The following RSPO2 variants were observed in gnomAD, a reference collection of about 807,000 sequenced individuals.
The protein encoded by RSPO2 is R-spondin-2.
RSPO2 carries 14 observed loss-of-function variants against 30.9 expected under a neutral mutation model. The observed-to-expected ratio is 0.45, with a 90% CI of 0.30 to 0.71. The LOEUF (loss-of-function observed/expected upper bound fraction) is 0.71. Ranked by LOEUF, RSPO2 falls within the 30% of genes least tolerant of loss-of-function variation. RSPO2 has a pLI of 0.08. For missense variants in RSPO2, 264 were observed against 301.9 expected (o/e 0.87, Z 0.93); for synonymous variants, 107 against 96.4 (o/e 1.11, Z -0.64).
chr8:107,908,936 C>T (rs1811736501), intron 5 of RSPO2, among the ~76,000 whole-genome samples: 1 of 152,136 alleles, frequency 6.6e-6, no homozygotes, highest in African/African-American at 2.4e-5. Flanking sequence ...TGTAAAACTG[C>T]AAATGATCTT....
At position 107,991,541 on chromosome 8, in the gene RSPO2, A is replaced by T. The variant is rs113253190; in HGVS notation, c.95-2297T>A. Among the ~76,000 whole-genome samples the T allele has an allele frequency of 7.1e-3, 1,086 of 152,310 alleles. 6 individuals carry two copies. The highest frequency in any genetic ancestry group is 0.025 in the African/African-American group (1,027 of 41,564). On this transcript the variant is annotated intron_variant, in intron 2 of 5. Transcript: ENST00000276659. ...CAAAAGCAATTGCAACAAAAGCAAA[A>T]ATTGATAAGTGGGATCTAATTAAAG...
chr8:108,051,716 C>G (rs557285714), intron 2 of RSPO2, among the ~76,000 whole-genome samples: 15 of 152,270 alleles, frequency 9.9e-5, no homozygotes, highest in Non-Finnish European at 2.2e-4. Context: ...CAGATCCATT[C>G]CTTCAACATG....
chr8:107,932,577 G>T (rs751881860), intron 5 of RSPO2, among the ~76,000 whole-genome samples: 1 of 152,158 alleles, frequency 6.6e-6, no homozygotes, highest in Non-Finnish European at 1.5e-5. Flanking sequence ...AGGTAAATAA[G>T]ATCCTCTTGG....
chr8:107,953,896 C>A (rs1057311162), intron 5 of RSPO2, among the ~76,000 whole-genome samples: 4 of 152,282 alleles, frequency 2.6e-5, no homozygotes, highest in South Asian at 2.1e-4. Flanking sequence ...ACATAGTATA[C>A]CCTGACCCAT....
At chr8:108,020,553 G>A (rs995499351) in intron 2 of RSPO2, among the ~76,000 whole-genome samples, 1 of 152,034 alleles carries the variant, frequency 6.6e-6, no homozygotes, top group Non-Finnish European at 1.5e-5. Flanking sequence ...CCCATGCCTA[G>A]AATACCTTTA....
Position 107,921,065 on chromosome 8 carries a change from T to C in RSPO2, c.617-19875A>G, listed in dbSNP as rs144425616. Among the ~76,000 whole-genome samples the C allele has an allele frequency of 3.0e-3, 456 of 152,200 alleles. 2 individuals are homozygous for C. Among genetic ancestry groups the C allele is most frequent in the Middle Eastern group, 0.014 (4 of 294 alleles). ...AAAGGATGTTAGCACAGATAGTTAC[T>C]GCAGATTTATGTATATAATTAGACA... On this transcript the variant is annotated intron_variant, in intron 5 of 5. Coordinates refer to ENST00000276659, the MANE Select transcript of RSPO2 (RefSeq NM_178565.5).
intron 2 of RSPO2, among the ~76,000 whole-genome samples, chr8:108,045,038 C>T (rs1811871834): frequency 6.6e-6 from 1 of 152,068 alleles, no homozygotes; most frequent in Non-Finnish European, 1.5e-5. Context: ...ATGACTAAGG[C>T]CTCAAAAGCA....
chr8:108,049,393 TA>T (rs953837379), intron 2 of RSPO2, among the ~76,000 whole-genome samples: 1 of 151,740 alleles, frequency 6.6e-6, no homozygotes, highest in South Asian at 2.1e-4. Flanking sequence ...GCATCTTTTT[TA>T]AAAAAAAATT....
At chr8:107,913,688 C>T (rs1368705193) in intron 5 of RSPO2, among the ~76,000 whole-genome samples, 2 of 152,082 alleles carry the variant, frequency 1.3e-5, no homozygotes, top group Non-Finnish European at 2.9e-5. Flanking sequence ...TCTATAACTA[C>T]CAAATATTAA....
intron 2 of RSPO2, among the ~76,000 whole-genome samples, chr8:108,043,599 G>GAA (rs5893902): frequency 1.0e-4 from 15 of 147,880 alleles, no homozygotes; most frequent in African/African-American, 3.7e-4. Flanking sequence ...AAGTATCTTG[G>GAA]AAAAAAAAAA....
At chr8:107,916,111 T>C (rs1232533846) in intron 5 of RSPO2, among the ~76,000 whole-genome samples, 1 of 152,214 alleles carries the variant, frequency 6.6e-6, no homozygotes, top group African/African-American at 2.4e-5. Context: ...CTCTGATTAA[T>C]TGGCTTAGAA....
chr8:107,904,034 A>G (rs549549818), intron 5 of RSPO2, among the ~76,000 whole-genome samples: 46 of 152,024 alleles, frequency 3.0e-4, no homozygotes, highest in African/African-American at 1.1e-3. Flanking sequence ...ATTTTCAAAC[A>G]TGAGAAAAGA....
At chr8:107,954,164 A>G (rs1171627154) in intron 5 of RSPO2, among the ~76,000 whole-genome samples, 1 of 152,198 alleles carries the variant, frequency 6.6e-6, no homozygotes, top group African/African-American at 2.4e-5. Context: ...AGAATATTTC[A>G]GATTGAGATC....
chr8:107,960,207 G>C (rs903445816), intron 4 of RSPO2, among the ~76,000 whole-genome samples: 7 of 151,466 alleles, frequency 4.6e-5, no homozygotes, highest in African/African-American at 1.7e-4. Context: ...TAATGCATTT[G>C]TAACATATAA....
At chr8:108,062,068 C>T (rs1463016139) in intron 2 of RSPO2, among the ~76,000 whole-genome samples, 1 of 151,652 alleles carries the variant, frequency 6.6e-6, no homozygotes, top group Non-Finnish European at 1.5e-5. Flanking sequence ...CACTAAATGC[C>T]CACAAGAGAA....
chr8:107,942,692 C>A (rs1489466232), intron 5 of RSPO2, among the ~76,000 whole-genome samples: 1 of 152,034 alleles, frequency 6.6e-6, no homozygotes. Context: ...TACACATTTG[C>A]TTTTTCTAGT....
chr8:107,911,494 T>C (rs537419743), intron 5 of RSPO2, among the ~76,000 whole-genome samples: 13 of 152,182 alleles, frequency 8.5e-5, no homozygotes, highest in Non-Finnish European at 1.5e-4. Flanking sequence ...TTCTAAACCT[T>C]AGTTTTCTCA....
Position 107,989,186 on chromosome 8 carries a change from C to T in RSPO2, c.153G>A (p.Gly51=), listed in dbSNP as rs1335660514. The T allele has an allele frequency of 1.2e-6, 2 of 1,608,218 alleles. No individual in the cohort carries two copies. The highest frequency in any genetic ancestry group is 1.7e-5 in the Admixed American group (1 of 58,432). ...ACAACTTCTGTTGACATCGGCTACA[C>T]CCATTGTCCTTTGAACAAGACAAAC... ...KGCLSCSKDN[G]CSRCQQKLFF... Residue 51 remains glycine (G), a synonymous_variant, in exon 3 of 6, where the codon GGG becomes GGA. Transcript: ENST00000276659.
chr8:107,900,749 CATAA>C lies in RSPO2; in HGVS notation c.*322_*325del. 1 of 227,456 alleles carries C rather than the reference CATAA, an allele frequency of 4.4e-6. No individual in the cohort carries two copies. Among genetic ancestry groups the C allele is most frequent in the Non-Finnish European group, 8.5e-6 (1 of 117,490 alleles). The allele number at this position is 227,456 out of a possible 1,614,324, so 14.1% of individuals were successfully genotyped here. A position where few individuals can be genotyped will look rare whatever the true frequency, so the allele number is the denominator to read the frequency against. ...ATTGCCTGCCAAGCATCTTCTTTCA[CATAA>C]ATAGGCACAAGTCCGTCCTCCAGCG... On this transcript the variant is annotated 3_prime_UTR_variant, in exon 6 of 6. Coordinates refer to ENST00000276659, the MANE Select transcript of RSPO2 (RefSeq NM_178565.5).
Sources: gnomAD v4.1 joint callset for allele counts (sites outside exome capture counted in the v4.1 genomes callset) on GRCh38, gnomAD v4.1.1 for gene constraint, MANE v1.5 for transcripts, NCBI Gene and HGNC (gene_info 2026-07-23, HGNC 2026-07-21) for gene names.